The following LPIN2 variants were observed in gnomAD, a reference collection of about 807,000 sequenced individuals.
LPIN2 encodes lipin 2, also known as phosphatidate phosphatase LPIN2.
LPIN2 carries 55 observed loss-of-function variants against 111.4 expected under a neutral mutation model. That is an observed-to-expected ratio of 0.49 (90% confidence interval 0.40 to 0.62). The LOEUF (loss-of-function observed/expected upper bound fraction) is 0.62. Ranked by LOEUF, LPIN2 falls within the 20% of genes least tolerant of loss-of-function variation. The probability of loss-of-function intolerance (pLI) is 0.00; values close to 1 mark genes in which losing one functional copy is unlikely to be tolerated. For synonymous variants in LPIN2, 425 were observed against 414.0 expected, an observed-to-expected ratio of 1.03 and a Z score of -0.32; for missense variants, 992 against 1,112.1, an observed-to-expected ratio of 0.89 and a Z score of 1.54.
chr18:2,966,529 A>G (rs2077806799), intron 1 of LPIN2, among the ~76,000 whole-genome samples: 1 of 152,236 alleles, frequency 6.6e-6, no homozygotes, highest in Non-Finnish European at 1.5e-5. Flanking sequence ...TTCAAACTCA[A>G]GTATGAGCCT....
intron 16 of LPIN2, among the ~76,000 whole-genome samples, chr18:2,923,081 C>T (rs1372413575): frequency 6.6e-6 from 1 of 152,130 alleles, no homozygotes; most frequent in Non-Finnish European, 1.5e-5. Context: ...GCAGCCCATG[C>T]AAGAACTATT....
At chr18:2,945,248 GAAA>G (rs992580855) in intron 4 of LPIN2, among the ~76,000 whole-genome samples, 5 of 152,118 alleles carry the variant, frequency 3.3e-5, no homozygotes, top group African/African-American at 1.2e-4. Context: ...GCTTAACAGA[GAAA>G]TACAAAGAAA....
At chr18:2,994,340 T>C (rs1031726020) in intron 1 of LPIN2, among the ~76,000 whole-genome samples, 18 of 152,248 alleles carry the variant, frequency 1.2e-4, no homozygotes, top group African/African-American at 4.1e-4. Flanking sequence ...GCCCCAGACC[T>C]GTGCCCTGGT....
intron 4 of LPIN2, among the ~76,000 whole-genome samples, chr18:2,941,651 G>A (rs1024430192): frequency 5.9e-5 from 9 of 152,248 alleles, no homozygotes; most frequent in African/African-American, 2.2e-4. Context: ...CTCTGGCCAG[G>A]TACAGTGGCT....
chr18:2,973,300 G>C (rs896948391), intron 1 of LPIN2, among the ~76,000 whole-genome samples: 2 of 152,104 alleles, frequency 1.3e-5, no homozygotes, highest in African/African-American at 4.8e-5. Flanking sequence ...CTATAATCAA[G>C]ATACAGATCA....
At chr18:2,936,303 A>G (rs1204817399) in intron 7 of LPIN2, among the ~76,000 whole-genome samples, 1 of 152,244 alleles carries the variant, frequency 6.6e-6, no homozygotes, top group Non-Finnish European at 1.5e-5. Context: ...ATAGGATCCA[A>G]GGCCAGAGTT....
intron 8 of LPIN2, among the ~76,000 whole-genome samples, chr18:2,932,730 C>T (rs1385987020): frequency 6.6e-6 from 1 of 152,204 alleles, no homozygotes; most frequent in Non-Finnish European, 1.5e-5. Flanking sequence ...ACATGGTGCC[C>T]CTCCCCAGGG....
intron 2 of LPIN2, among the ~76,000 whole-genome samples, chr18:2,955,825 G>A (rs901181097): frequency 1.3e-5 from 2 of 152,220 alleles, no homozygotes; most frequent in Admixed American, 1.3e-4. Flanking sequence ...TGAGGCAGGA[G>A]AATCGCTTGA....
intron 2 of LPIN2, among the ~76,000 whole-genome samples, chr18:2,958,745 T>C (rs2077661942): frequency 6.6e-6 from 1 of 152,296 alleles, no homozygotes; most frequent in Non-Finnish European, 1.5e-5. Flanking sequence ...AACACAACGA[T>C]TGTGTAGCTT....
At position 2,917,935 on chromosome 18, in the gene LPIN2, G is replaced by A. The variant is rs1224234701; in HGVS notation, c.*2358C>T. On this transcript the variant is annotated 3_prime_UTR_variant, in exon 20 of 20. Transcript: ENST00000677752. ...TGATGCTTCAACTCACCATCCTAAGGGTTTGTGTACAAACACACTCGAGGG... is the reference window on the plus strand; with the variant it reads ...TGATGCTTCAACTCACCATCCTAAGAGTTTGTGTACAAACACACTCGAGGG... 1.3e-5 allele frequency: 2 copies of A among 152,054 alleles called. No homozygotes were observed. Among genetic ancestry groups the A allele is most frequent in the Non-Finnish European group, 2.9e-5 (2 of 68,012 alleles). The allele number at this position is 152,054 out of a possible 1,614,324, so 9.4% of individuals were successfully genotyped here. A position where few individuals can be genotyped will look rare whatever the true frequency, so the allele number is the denominator to read the frequency against.
chr18:2,987,643 T>C (rs2078205424), intron 1 of LPIN2, among the ~76,000 whole-genome samples: 1 of 152,210 alleles, frequency 6.6e-6, no homozygotes, highest in South Asian at 2.1e-4. Context: ...TAAATTATTC[T>C]GTTGCTGTGA....
intron 1 of LPIN2, among the ~76,000 whole-genome samples, chr18:2,987,347 A>G (rs1252223540): frequency 6.6e-6 from 1 of 152,232 alleles, no homozygotes; most frequent in Admixed American, 6.5e-5. Context: ...TCAAAAAGTG[A>G]GATAGCTTAA....
intron 1 of LPIN2, among the ~76,000 whole-genome samples, chr18:3,005,026 G>A (rs565892916): frequency 6.6e-6 from 1 of 152,116 alleles, no homozygotes; most frequent in Non-Finnish European, 1.5e-5. Context: ...CTATCTCTCT[G>A]TTACCAATTT....
intron 1 of LPIN2, among the ~76,000 whole-genome samples, chr18:3,003,992 C>T (rs182251121): frequency 5.8e-4 from 87 of 149,400 alleles, no homozygotes; most frequent in South Asian, 2.3e-3. Flanking sequence ...GGTCTATTAA[C>T]GGCCGCTCTG....
At chr18:2,924,327 C>T in intron 15 of LPIN2, 71 bp downstream of exon 15, 2 of 1,596,244 alleles carry the variant, frequency 1.3e-6, no homozygotes, top group Non-Finnish European at 1.7e-6. Context: ...AGGAACTCCC[C>T]ACCACACACT....
At chr18:2,953,935 G>A (rs975096340) in intron 3 of LPIN2, among the ~76,000 whole-genome samples, 18 of 152,184 alleles carry the variant, frequency 1.2e-4, no homozygotes, top group Non-Finnish European at 1.6e-4. Flanking sequence ...TGTGTGCTGG[G>A]GAGGGGGGAT....
intron 1 of LPIN2, among the ~76,000 whole-genome samples, chr18:2,968,095 T>C (rs2077836791): frequency 6.6e-6 from 1 of 152,212 alleles, no homozygotes. Context: ...GCGGGTCTCC[T>C]GCTGCCCCAG....
chr18:2,958,227 A>G (rs186175789), intron 2 of LPIN2, among the ~76,000 whole-genome samples: 1 of 150,552 alleles, frequency 6.6e-6, no homozygotes, highest in Non-Finnish European at 1.5e-5. Context: ...GCTTTTTCTG[A>G]TATCAATAAA....
At chr18:2,971,863 C>T (rs770337199) in intron 1 of LPIN2, among the ~76,000 whole-genome samples, 1 of 151,528 alleles carries the variant, frequency 6.6e-6, no homozygotes, top group Non-Finnish European at 1.5e-5. Context: ...CCAGCCTGGC[C>T]AACATGGTGA....
Sources: allele counts gnomAD v4.1 joint callset (sites outside exome capture counted in the v4.1 genomes callset), GRCh38; gene constraint gnomAD v4.1.1; transcripts MANE v1.5; gene names NCBI Gene and HGNC (gene_info 2026-07-23, HGNC 2026-07-21).